Variants in NRCAM observed in about 807,000 individuals in gnomAD.
NRCAM encodes the protein neuronal cell adhesion molecule.
In NRCAM, 83 loss-of-function variants were observed where a neutral mutation model predicts 156.5. That is an observed-to-expected ratio of 0.53 (90% CI 0.44 to 0.64). The LOEUF is 0.64. NRCAM is among the 30% of genes least tolerant of loss of function. The pLI, the probability that NRCAM is intolerant of heterozygous loss-of-function variation, is 0.00. For missense variants in NRCAM, 1,417 were observed against 1,597.3 expected (o/e 0.89, Z 1.92); for synonymous variants, 538 against 563.9 (o/e 0.95, Z 0.65).
intron 2 of NRCAM, among the ~76,000 whole-genome samples, chr7:108,338,352 T>C (rs2099229892): frequency 6.6e-6 from 1 of 152,162 alleles, no homozygotes; most frequent in African/African-American, 2.4e-5. Context: ...TCATTTCCTC[T>C]AGCAAGTTGT....
intron 3 of NRCAM, among the ~76,000 whole-genome samples, chr7:108,281,818 G>C (rs1345415112): frequency 6.6e-6 from 1 of 152,226 alleles, no homozygotes; most frequent in East Asian, 1.9e-4. Flanking sequence ...GTTTTGATGG[G>C]CAAACTGGAT....
At chr7:108,224,106 A>G (rs1213385258) in intron 10 of NRCAM, among the ~76,000 whole-genome samples, 1 of 152,144 alleles carries the variant, frequency 6.6e-6, no homozygotes, top group Non-Finnish European at 1.5e-5. Context: ...AATTTGGGTT[A>G]GGTTTTTACA....
chr7:108,387,541 G>C (rs1477876662), intron 2 of NRCAM, among the ~76,000 whole-genome samples: 1 of 151,790 alleles, frequency 6.6e-6, no homozygotes, highest in Non-Finnish European at 1.5e-5. Context: ...TTTTATCCTA[G>C]TTTTTTTAAA....
chr7:108,313,850 A>G (rs1466896521), intron 2 of NRCAM, among the ~76,000 whole-genome samples: 1 of 152,216 alleles, frequency 6.6e-6, no homozygotes, highest in East Asian at 1.9e-4. Flanking sequence ...GAATTTTAAG[A>G]TATATCTACA....
intron 1 of NRCAM, among the ~76,000 whole-genome samples, chr7:108,409,250 A>G (rs1286567410): frequency 6.6e-6 from 1 of 152,238 alleles, no homozygotes; most frequent in Non-Finnish European, 1.5e-5. Flanking sequence ...CTAAAACAAA[A>G]CAACATTGAA....
At chr7:108,399,621 C>A (rs966018545) in intron 1 of NRCAM, 28 bp from the exon 2 acceptor site, 5 of 152,158 alleles carry the variant, frequency 3.3e-5, no homozygotes, top group African/African-American at 1.2e-4. Context: ...TAACACAGGA[C>A]AATGTAAATT....
intron 3 of NRCAM, among the ~76,000 whole-genome samples, chr7:108,247,702 A>G (rs2096050406): frequency 6.6e-6 from 1 of 152,236 alleles, no homozygotes; most frequent in Admixed American, 6.5e-5. Context: ...AGATTAAGGT[A>G]GAGAACAGGA....
chr7:108,225,128 G>A (rs557274066), intron 10 of NRCAM, among the ~76,000 whole-genome samples: 2 of 152,276 alleles, frequency 1.3e-5, no homozygotes, highest in South Asian at 4.1e-4. Context: ...TGAAGACAGT[G>A]ACTTGGTTTG....
chr7:108,226,137 T>A (rs995784378), intron 9 of NRCAM, 71 bp downstream of exon 9: 1 of 1,097,884 alleles, frequency 9.1e-7, no homozygotes, highest in Non-Finnish European at 1.3e-6. Context: ...CAGTAGTATA[T>A]AATAGTTTCT....
chr7:108,198,229 A>T (rs904186710), intron 13 of NRCAM, 130 bp from the exon 14 acceptor site: 26 of 608,910 alleles, frequency 4.3e-5, no homozygotes, highest in Non-Finnish European at 6.6e-5. Flanking sequence ...ACTAGAATTT[A>T]GGCAGAAACC....
At chr7:108,259,366 G>A (rs1269652) in intron 3 of NRCAM, among the ~76,000 whole-genome samples, 57,523 of 152,090 alleles carry the variant, frequency 0.38, 12,866 homozygotes, top group East Asian at 0.86. Flanking sequence ...AGGCTGTGGA[G>A]AAACAGGAAC....
At chr7:108,314,159 T>C (rs998332022) in intron 2 of NRCAM, among the ~76,000 whole-genome samples, 5 of 152,228 alleles carry the variant, frequency 3.3e-5, no homozygotes, top group Admixed American at 2.6e-4. Flanking sequence ...CACTGCTACA[T>C]TTTTAACCAC....
chr7:108,198,788 T>A (rs2076456962), intron 13 of NRCAM, among the ~76,000 whole-genome samples: 2 of 152,222 alleles, frequency 1.3e-5, no homozygotes, highest in Non-Finnish European at 2.9e-5. Flanking sequence ...GAAGCTGAAG[T>A]ATAAATAAAT....
At chr7:108,388,668 T>G (rs956309711) in intron 2 of NRCAM, among the ~76,000 whole-genome samples, 12 of 152,248 alleles carry the variant, frequency 7.9e-5, no homozygotes, top group African/African-American at 2.7e-4. Flanking sequence ...GCCTAGGTTT[T>G]CTTCTAGGGT....
In NRCAM at chr7:108,166,947, GAA is replaced by G; in HGVS notation, c.3438_3439del (p.Ser1147ArgfsTer5). On this transcript the variant is annotated frameshift_variant, in exon 30 of 33. Transcript: ENST00000379028. LOFTEE classifies it high-confidence loss of function. ...TGGGCCTGTCTCAAACACATCCTCTGAACTCACAAAACCAGAGTCCCCCACAG... is the reference window on the plus strand; with the variant it reads ...TGGGCCTGTCTCAAACACATCCTCTGCTCACAAAACCAGAGTCCCCCACAG... The G allele has an allele frequency of 6.2e-7, 1 of 1,613,866 alleles. No homozygotes were observed. The highest frequency in any genetic ancestry group is 8.5e-7 in the Non-Finnish European group (1 of 1,179,864).
intron 8 of NRCAM, among the ~76,000 whole-genome samples, chr7:108,229,009 T>C (rs979399749): frequency 6.6e-6 from 1 of 152,216 alleles, no homozygotes; most frequent in Non-Finnish European, 1.5e-5. Flanking sequence ...GATTAAATGT[T>C]AGAGGCAAAT....
chr7:108,175,263 C>A, intron 28 of NRCAM, 59 bp downstream of exon 28: 1 of 1,408,114 alleles, frequency 7.1e-7, no homozygotes, highest in Non-Finnish European at 9.7e-7. Flanking sequence ...CTGCACTTCC[C>A]CATGTTTCAC....
chr7:108,391,041 T>C (rs1252820489), intron 2 of NRCAM, among the ~76,000 whole-genome samples: 2 of 152,202 alleles, frequency 1.3e-5, no homozygotes, highest in Admixed American at 6.5e-5. Flanking sequence ...GAGAAGAATG[T>C]ATATTCTGTT....
chr7:108,439,916 G>A (rs1245584596), intron 1 of NRCAM, among the ~76,000 whole-genome samples: 1 of 151,572 alleles, frequency 6.6e-6, no homozygotes, highest in Non-Finnish European at 1.5e-5. Context: ...GGCATTCCTG[G>A]TTGGGAAAGT....
Sources: gnomAD v4.1 joint callset for allele counts (sites outside exome capture counted in the v4.1 genomes callset) on GRCh38, gnomAD v4.1.1 for gene constraint, MANE v1.5 for transcripts, NCBI Gene and HGNC (gene_info 2026-07-23, HGNC 2026-07-21) for gene names.